The following MLXIPL variants were observed in gnomAD, a reference collection of about 807,000 sequenced individuals.
The protein encoded by MLXIPL is carbohydrate-responsive element-binding protein.
Under a neutral mutation model 81.5 loss-of-function variants are expected in MLXIPL, and 49 were observed. The ratio of observed to expected loss-of-function variants is 0.60; its 90% confidence interval spans 0.48 to 0.76. The LOEUF is 0.76. Among genes scored for constraint, MLXIPL ranks in the 30% least tolerant of loss-of-function variants. MLXIPL has a pLI of 0.00. For synonymous variants in MLXIPL, 466 were observed against 485.5 expected, an observed-to-expected ratio of 0.96 and a Z score of 0.53; for missense variants, 1,053 against 1,167.0, an observed-to-expected ratio of 0.90 and a Z score of 1.42.
chr7:73,629,669 G>A, the MLXIPL span, among the ~76,000 whole-genome samples: 34 of 152,204 alleles, frequency 2.2e-4, no homozygotes, highest in Admixed American at 1.4e-3. Flanking sequence ...AGGCTGCAGT[G>A]AGCTATAAAC....
In MLXIPL at chr7:73,606,062, G is replaced by T. The variant is rs782451577; in HGVS notation, c.668C>A (p.Ser223Tyr). 7 of 1,592,356 alleles carry T rather than the reference G, an allele frequency of 4.4e-6. No individual in the cohort carries two copies. Among genetic ancestry groups the T allele is most frequent in the Admixed American group, 1.8e-5 (1 of 56,484 alleles). Residue 223 changes from serine (S) to tyrosine (Y), a missense_variant, in exon 6 of 17, where the codon TCC becomes TAC. Coordinates refer to ENST00000313375, the MANE Select transcript of MLXIPL (RefSeq NM_032951.3). ...CCCCAGCAGCACGGGGACCACACTG[G>T]AGAAGAGCTGTTTGCACCATTGCTC... ...PPEQWCKQLF[S>Y]SVVPVLLGDP...
At chr7:73,627,409 C>T (rs959564375), upstream of MLXIPL, among the ~76,000 whole-genome samples, 4 of 152,056 alleles carry the variant, frequency 2.6e-5, no homozygotes, top group African/African-American at 7.2e-5. Flanking sequence ...ACACCATGCC[C>T]GACTAATTTT....
At chr7:73,624,174 C>A in intron 1 of MLXIPL, 26 bp downstream of exon 1, 2 of 1,521,438 alleles carry the variant, frequency 1.3e-6, no homozygotes, top group Non-Finnish European at 1.8e-6. Context: ...GAAGCCAAGG[C>A]CGTCAGGGCC....
At position 73,596,769 on chromosome 7, in the gene MLXIPL, G is replaced by A; in HGVS notation, c.1692C>T (p.Phe564=). Reference sequence around the variant, plus strand: ...GGGTCGGGGGAAGGAATGTGCAGGGGAATTCAGGGACTGTCTCCTGCTGGG... The same window carrying A: ...GGGTCGGGGGAAGGAATGTGCAGGGAAATTCAGGGACTGTCTCCTGCTGGG... ...PGSPQETVPE[F]PCTFLPPTPA... is the part of the protein sequence containing the mutation. Residue 564 remains phenylalanine, a synonymous_variant, in exon 11 of 17, where the codon TTC becomes TTT. Coordinates refer to ENST00000313375, the MANE Select transcript of MLXIPL (RefSeq NM_032951.3). The surrounding 1 kb of genome is among the most constrained non-coding windows in gnomAD (Gnocchi z 4.7). 6.2e-7 allele frequency: 1 copy of A among 1,603,908 alleles called. No homozygotes were observed. The highest frequency in any genetic ancestry group is 8.5e-7 in the Non-Finnish European group (1 of 1,176,296).
chr7:73,636,733 A>C, the MLXIPL span, among the ~76,000 whole-genome samples: 1 of 152,122 alleles, frequency 6.6e-6, no homozygotes, highest in Non-Finnish European at 1.5e-5. Flanking sequence ...ATAAACACAA[A>C]AATTCAGAGT....
In MLXIPL at chr7:73,599,592, G is replaced by T; in HGVS notation, c.1005C>A (p.Thr335=). 1 of 1,612,790 alleles carries T rather than the reference G, an allele frequency of 6.2e-7. No homozygotes were observed. Among genetic ancestry groups the T allele is most frequent in the Non-Finnish European group, 8.5e-7 (1 of 1,179,350 alleles). Reference sequence around the variant, plus strand: ...AAGCCGGGGGCACCTCTGGGCCCAGGGTCCCACTGCTGAAGAGGGAGTCAA... The same window carrying T: ...AAGCCGGGGGCACCTCTGGGCCCAGTGTCCCACTGCTGAAGAGGGAGTCAA... The part of the protein sequence containing the change: ...PVVDSLFSSG[T]LGPEVPPASS... The change falls in exon 8 of 17, where the codon ACC becomes ACA. Residue 335 remains threonine (T), a synonymous_variant. Transcript: ENST00000313375.
At chr7:73,599,493 T>C in intron 8 of MLXIPL, 33 bp downstream of exon 8, 1 of 1,610,792 alleles carries the variant, frequency 6.2e-7, no homozygotes, top group Non-Finnish European at 8.5e-7. Context: ...TCAAGTGAGC[T>C]ACACAGGGCT....
chr7:73,627,221 G>A (rs111899496), upstream of MLXIPL, among the ~76,000 whole-genome samples: 2,675 of 150,152 alleles, frequency 0.018, 81 homozygotes, highest in African/African-American at 0.063. Context: ...GCTCTGCCCT[G>A]CTTCAGAGAG....
intron 1 of MLXIPL, among the ~76,000 whole-genome samples, chr7:73,621,669 A>C (rs1584153936): frequency 1.6e-5 from 2 of 128,314 alleles, no homozygotes; most frequent in Non-Finnish European, 1.7e-5. Flanking sequence ...CCAACCCTCC[A>C]TCTCCCTCCA....
the MLXIPL span, among the ~76,000 whole-genome samples, chr7:73,640,396 T>A: frequency 1.4e-5 from 2 of 138,666 alleles, no homozygotes; most frequent in African/African-American, 2.8e-5. Context: ...AGCAAGACCC[T>A]GTCTCCAAAA....
intron 5 of MLXIPL, chr7:73,606,387 TC>T: frequency 1.9e-6 from 1 of 519,154 alleles, no homozygotes; most frequent in East Asian, 3.2e-5. Flanking sequence ...AGTTCTTTGG[TC>T]CCTCTGGTTT....
At chr7:73,624,604 G>A (rs1300760913), upstream of MLXIPL, 6 of 1,388,184 alleles carry the variant, frequency 4.3e-6, no homozygotes, top group Non-Finnish European at 5.6e-6. Flanking sequence ...GGCCGATCGG[G>A]TGGGCGGGGC....
At position 73,596,654 on chromosome 7, in the gene MLXIPL, G is replaced by A. The variant is rs1554594045; in HGVS notation, c.1807C>T (p.Pro603Ser). 2 of 1,595,110 alleles carry A rather than the reference G, an allele frequency of 1.3e-6. No homozygotes were observed. The highest frequency in any genetic ancestry group is 1.7e-6 in the Non-Finnish European group (2 of 1,170,674). Reference sequence around the variant, plus strand: ...CTCTCTTTACCGCTGGGCGCTGGGGGTGAGAGCCGCTCCGCTTTGGGGACA... The same window carrying A: ...CTCTCTTTACCGCTGGGCGCTGGGGATGAGAGCCGCTCCGCTTTGGGGACA... The part of the protein sequence containing the change: ...LLVPKAERLS[P>S]PAPSGSERRL... Residue 603 changes from proline (P) to serine (S), a missense_variant, in exon 11 of 17, where the codon CCC (proline) becomes TCC (serine). Around this residue, in one of 3 missense-constraint regions of MLXIPL, gnomAD observed 823 missense variants for 933.0 expected, o/e 0.88. Coordinates refer to ENST00000313375, the MANE Select transcript of MLXIPL (RefSeq NM_032951.3). The surrounding 1 kb of genome is among the most constrained non-coding windows in gnomAD (Gnocchi z 4.7).
At chr7:73,624,536 C>G, upstream of MLXIPL, 2 of 1,494,684 alleles carry the variant, frequency 1.3e-6, no homozygotes, top group Non-Finnish European at 1.8e-6. Context: ...CCGCGCAGCG[C>G]GGGGAACAGC....
chr7:73,598,428 T>C (rs1794524615), intron 8 of MLXIPL, among the ~76,000 whole-genome samples: 1 of 152,082 alleles, frequency 6.6e-6, no homozygotes, highest in Non-Finnish European at 1.5e-5. Context: ...AATGAACCCA[T>C]TCACTAATCC....
upstream of MLXIPL, among the ~76,000 whole-genome samples, chr7:73,626,469 A>T: frequency 6.8e-6 from 1 of 148,042 alleles, no homozygotes; most frequent in Admixed American, 6.8e-5. Context: ...AACCTGGCTA[A>T]TTTTTTTTTT....
At chr7:73,626,822 C>T (rs1796762889), upstream of MLXIPL, among the ~76,000 whole-genome samples, 1 of 152,152 alleles carries the variant, frequency 6.6e-6, no homozygotes, top group African/African-American at 2.4e-5. Flanking sequence ...GACAGGTATC[C>T]TGTGTGTGGT....
the MLXIPL span, among the ~76,000 whole-genome samples, chr7:73,631,478 A>G: frequency 6.8e-6 from 1 of 146,622 alleles, no homozygotes; most frequent in African/African-American, 2.5e-5. Flanking sequence ...AGGCTCATCT[A>G]TGGTGTTAGG....
chr7:73,605,269 C>T (rs189526419), intron 7 of MLXIPL, among the ~76,000 whole-genome samples: 1 of 152,134 alleles, frequency 6.6e-6, no homozygotes, highest in Non-Finnish European at 1.5e-5. Flanking sequence ...TCAGAAACCA[C>T]CCAGACCTGC....
Sources: allele counts gnomAD v4.1 joint callset (sites outside exome capture counted in the v4.1 genomes callset), GRCh38; gene constraint gnomAD v4.1.1; regional missense constraint gnomAD v4.1.1; non-coding constraint Gnocchi (gnomAD v3.1); transcripts MANE v1.5; gene names NCBI Gene and HGNC (gene_info 2026-07-23, HGNC 2026-07-21).